Variants in MAOA observed in about 807,000 individuals in gnomAD.
MAOA encodes amine oxidase [flavin-containing] A.
A neutral mutation model predicts 42.0 loss-of-function variants in MAOA; 6 were observed. That is an observed-to-expected ratio of 0.14 (90% confidence interval 0.08 to 0.28). MAOA has a LOEUF of 0.28. Among genes scored for constraint, MAOA ranks in the 10% least tolerant of loss-of-function variants. The probability of loss-of-function intolerance (pLI) is 1.00; values close to 1 mark genes in which losing one functional copy is unlikely to be tolerated. For missense variants in MAOA, 262 were observed against 422.3 expected (o/e 0.62, Z 3.33); for synonymous variants, 140 against 154.0 (o/e 0.91, Z 0.67).
At position 43,745,031 on chromosome X, in the gene MAOA, G is replaced by T. The variant is rs913716758; in HGVS notation, c.*518G>T. On this transcript the variant is annotated 3_prime_UTR_variant, in exon 15 of 15. Transcript: ENST00000338702. ...CACTTTGGATCAGGAAATAGTAAAGGAAAGCAGTGTTGGGGGTAGCGGCAT... is the reference window on the plus strand; with the variant it reads ...CACTTTGGATCAGGAAATAGTAAAGTAAAGCAGTGTTGGGGGTAGCGGCAT... 1 of 148,604 alleles carries T rather than the reference G, an allele frequency of 6.7e-6. No individual in the cohort carries two copies. Among genetic ancestry groups the T allele is most frequent in the African/African-American group, 3.1e-5 (1 of 31,794 alleles). The allele number at this position is 148,604 out of a possible 1,213,427, so 12.2% of individuals were successfully genotyped here. A position where few individuals can be genotyped will look rare whatever the true frequency, so the allele number is the denominator to read the frequency against.
Position 43,662,064 on chromosome X carries a change from A to G in MAOA, c.73+5650A>G, listed in dbSNP as rs112958785. Among the ~76,000 whole-genome samples the G allele has an allele frequency of 5.7e-3, 642 of 111,810 alleles. 8 individuals are homozygous for G. Among genetic ancestry groups the G allele is most frequent in the African/African-American group, 0.02 (619 of 30,815 alleles). Reference sequence around the variant, plus strand: ...TTGCTGAAATATATCACCTGTAAAAATTATTCTGCTAGGACCATTTTAGGC... The same window carrying G: ...TTGCTGAAATATATCACCTGTAAAAGTTATTCTGCTAGGACCATTTTAGGC... On this transcript the variant is annotated intron_variant, in intron 1 of 14. Coordinates refer to ENST00000338702, the MANE Select transcript of MAOA (RefSeq NM_000240.4).
chrX:43,682,159 G>A (rs1354804268), intron 1 of MAOA, among the ~76,000 whole-genome samples: 1 of 111,554 alleles, frequency 9.0e-6, no homozygotes, highest in Non-Finnish European at 1.9e-5. Flanking sequence ...GGGATTACAG[G>A]CGTGAGCCAC....
At chrX:43,706,487 A>C (rs1256330277) in intron 3 of MAOA, among the ~76,000 whole-genome samples, 1 of 111,039 alleles carries the variant, frequency 9.0e-6, no homozygotes, top group Non-Finnish European at 1.9e-5. Flanking sequence ...TTTCTTTTAA[A>C]ACCCTTCACT....
chrX:43,655,431 C>T (rs887912104), upstream of MAOA: 3 of 111,981 alleles, frequency 2.7e-5, no homozygotes, highest in African/African-American at 9.8e-5. Context: ...CACTACCGGT[C>T]TTAGCGAGAG....
intron 12 of MAOA, among the ~76,000 whole-genome samples, chrX:43,743,061 C>T (rs868167758): frequency 5.8e-4 from 64 of 110,305 alleles, no homozygotes; most frequent in African/African-American, 1.8e-3. Context: ...GGAGTGCCAA[C>T]GGGTTGAGAT....
chrX:43,707,385 A>C (rs1020429345), intron 3 of MAOA, among the ~76,000 whole-genome samples: 12 of 111,961 alleles, frequency 1.1e-4, no homozygotes, highest in Non-Finnish European at 1.7e-4. Flanking sequence ...GATACAAGTC[A>C]GATTTTAGAA....
intron 1 of MAOA, among the ~76,000 whole-genome samples, chrX:43,672,930 A>G (rs1224077458): frequency 9.0e-6 from 1 of 111,306 alleles, no homozygotes; most frequent in Non-Finnish European, 1.9e-5. Flanking sequence ...CCCGGCTTTG[A>G]TATCAGGATG....
rs2033993491 is a variant in MAOA at position 43,745,593 on chromosome X, A to ATC, written c.*1080_*1081insTC. On this transcript the variant is annotated 3_prime_UTR_variant, in exon 15 of 15. Coordinates refer to ENST00000338702, the MANE Select transcript of MAOA (RefSeq NM_000240.4). ...TTGACTGTTATTTGTTGAGACTATC[A>ATC]AACAGAAAAGAAATTAGGGCTCTAA... 1 of 111,638 alleles carries ATC rather than the reference A, an allele frequency of 9.0e-6. No homozygotes were observed. Among genetic ancestry groups the ATC allele is most frequent in the Non-Finnish European group, 1.9e-5 (1 of 53,139 alleles). The allele number at this position is 111,638 out of a possible 1,213,427, so 9.2% of individuals were successfully genotyped here.
rs2033368411 is a variant in MAOA at position 43,674,282 on chromosome X, T to G, written c.74-9231T>G. ...TAGGATTGCAACCCCTGCCTTTTTT[T>G]GTTTTCTATTTGCTTGGTAGATCTT... On this transcript the variant is annotated intron_variant, in intron 1 of 14. Coordinates refer to ENST00000338702, the MANE Select transcript of MAOA (RefSeq NM_000240.4). Among the ~76,000 whole-genome samples the G allele has an allele frequency of 2.7e-5, 3 of 110,467 alleles. No homozygotes were observed. The South Asian group carries it at 1.2e-3, about 43-fold the overall frequency.
In MAOA at chrX:43,731,330, T is replaced by G; in HGVS notation, c.735T>G (p.Thr245=). ...GDQVKLNHPV[T]HVDQSSDNII... ...AAGTGAAGCTGAACCATCCTGTCAC[T>G]CACGTTGACCAGTCAAGTGACAACA... Residue 245 remains threonine, a synonymous_variant, in exon 7 of 15, where the codon ACT becomes ACG. Coordinates refer to ENST00000338702, the MANE Select transcript of MAOA (RefSeq NM_000240.4). 1 of 1,209,281 alleles carries G rather than the reference T, an allele frequency of 8.3e-7. No homozygotes were observed. The highest frequency in any genetic ancestry group is 1.1e-6 in the Non-Finnish European group (1 of 893,107).
chrX:43,694,688 A>G (rs1162276989), intron 3 of MAOA, among the ~76,000 whole-genome samples: 1 of 111,961 alleles, frequency 8.9e-6, no homozygotes. Context: ...GTTTCCATGG[A>G]CTAGTAAGTA....
At chrX:43,738,813 C>T (rs2033939992) in intron 10 of MAOA, among the ~76,000 whole-genome samples, 1 of 111,214 alleles carries the variant, frequency 9.0e-6, no homozygotes, top group Non-Finnish European at 1.9e-5. Flanking sequence ...AGAGTGAGAC[C>T]CTATCTCAGA....
intron 3 of MAOA, among the ~76,000 whole-genome samples, chrX:43,698,824 G>T (rs1408212698): frequency 8.9e-6 from 1 of 111,933 alleles, no homozygotes; most frequent in African/African-American, 3.2e-5. Context: ...AATTTGACAT[G>T]CTTTTATTGG....
chrX:43,716,543 C>A (rs1041219255), intron 5 of MAOA, among the ~76,000 whole-genome samples: 3 of 110,397 alleles, frequency 2.7e-5, no homozygotes, highest in Non-Finnish European at 5.7e-5. Flanking sequence ...GTGGTATCAT[C>A]CCCAAATGAC....
chrX:43,683,595 A>T lies in MAOA; in HGVS notation c.156A>T (p.Thr52=). ...LEARDRVGGR[T]YTIRNEHVDY... is the part of the protein sequence containing the mutation. ...CTCGGGACAGGGTTGGAGGAAGAAC[A>T]TATACTATAAGGGTAAGTGATTTTA... The change falls in exon 2 of 15, where the codon ACA becomes ACT. Residue 52 remains threonine, a synonymous_variant. Coordinates refer to ENST00000338702, the MANE Select transcript of MAOA (RefSeq NM_000240.4). The T allele has an allele frequency of 6.7e-6, 8 of 1,192,703 alleles. No individual in the cohort carries two copies. Among genetic ancestry groups the T allele is most frequent in the African/African-American group, 1.7e-5 (1 of 57,256 alleles).
At chrX:43,657,985 A>G (rs2033199231) in intron 1 of MAOA, 1 of 648,577 alleles carries the variant, frequency 1.5e-6, no homozygotes, top group Admixed American at 8.9e-5. Context: ...AAAAAGGAGT[A>G]TTTCAGCTTG....
chrX:43,732,808 A>G lies in MAOA; in HGVS notation c.1052+13A>G, dbSNP rs1321388274. ...CTGCCATCATGGGGTAGGTTAGAGC[A>G]GGGTGTTCTGCATTTTCCAAATTGT... On this transcript the variant is annotated intron_variant, in intron 9 of 14. Transcript: ENST00000338702. 1.8e-6 allele frequency: 2 copies of G among 1,132,780 alleles called. No individual in the cohort carries two copies. Among genetic ancestry groups the G allele is most frequent in the Non-Finnish European group, 2.4e-6 (2 of 824,934 alleles). 93.4% of individuals were successfully genotyped at this position (1,132,780 alleles called of 1,213,427 possible).
chrX:43,670,880 T>C (rs1298572936), intron 1 of MAOA, among the ~76,000 whole-genome samples: 1 of 108,714 alleles, frequency 9.2e-6, no homozygotes, highest in Non-Finnish European at 1.9e-5. Context: ...TTTGCTATTG[T>C]GAATAGTGCC....
chrX:43,709,820 T>A (rs920047402), intron 3 of MAOA, among the ~76,000 whole-genome samples: 1 of 112,028 alleles, frequency 8.9e-6, no homozygotes, highest in Non-Finnish European at 1.9e-5. Context: ...CTGTTTATGT[T>A]CCCTCAGTGG....
Sources: gnomAD v4.1 joint callset for allele counts (sites outside exome capture counted in the v4.1 genomes callset) on GRCh38, gnomAD v4.1.1 for gene constraint, MANE v1.5 for transcripts, NCBI Gene and HGNC (gene_info 2026-07-23, HGNC 2026-07-21) for gene names.